Variants in SERPINE3 observed in about 807,000 individuals in gnomAD.
SERPINE3 encodes the protein serpin E3.
Under a neutral mutation model 41.7 loss-of-function variants are expected in SERPINE3, and 43 were observed. The ratio of observed to expected loss-of-function variants is 1.03; its 90% CI spans 0.81 to 1.33. The LOEUF is 1.33. Among genes scored for constraint, SERPINE3 ranks in the 40% most tolerant of loss-of-function variants. SERPINE3 has a pLI of 0.00. For missense variants in SERPINE3, 440 were observed against 491.7 expected (o/e 0.89, Z 0.99); for synonymous variants, 200 against 192.2 (o/e 1.04, Z -0.34).
At chr13:51,358,596 G>A (rs1016400998) in intron 7 of SERPINE3, among the ~76,000 whole-genome samples, 5 of 152,118 alleles carry the variant, frequency 3.3e-5, no homozygotes, top group Non-Finnish European at 7.4e-5. Flanking sequence ...GGTAAGGGGT[G>A]TCTATTATTA....
chr13:51,361,382 C>T lies in SERPINE3; in HGVS notation c.1087+18C>T. ...AGCCACAGGTATGTTCAGAGAATAC[C>T]CAGTCACACTGCTTACCCATATCTA... On this transcript the variant is annotated intron_variant, in intron 8 of 9. Transcript: ENST00000681248. 1.4e-6 allele frequency: 2 copies of T among 1,469,338 alleles called. No homozygotes were observed. Among genetic ancestry groups the T allele is most frequent in the Non-Finnish European group, 1.9e-6 (2 of 1,051,990 alleles). 91.0% of individuals were successfully genotyped at this position (1,469,338 alleles called of 1,614,324 possible).
intron 6 of SERPINE3, among the ~76,000 whole-genome samples, chr13:51,350,895 A>G (rs140816867): frequency 8.5e-5 from 13 of 152,340 alleles, no homozygotes; most frequent in Admixed American, 8.5e-4. Flanking sequence ...TACATATTGT[A>G]CAATTATACA....
intron 6 of SERPINE3, among the ~76,000 whole-genome samples, chr13:51,350,889 T>C (rs868465969): frequency 5.9e-5 from 9 of 152,330 alleles, no homozygotes; most frequent in African/African-American, 1.7e-4. Flanking sequence ...TACAATTACA[T>C]ATTGTACAAT....
At chr13:51,341,405 T>G in intron 3 of SERPINE3, 58 bp downstream of exon 3, 5 of 1,466,616 alleles carry the variant, frequency 3.4e-6, no homozygotes, top group Non-Finnish European at 4.6e-6. Flanking sequence ...TCACACTCTC[T>G]CCAGCTCACC....
intron 6 of SERPINE3, among the ~76,000 whole-genome samples, chr13:51,351,997 G>A (rs1194143597): frequency 6.6e-6 from 1 of 152,054 alleles, no homozygotes; most frequent in Non-Finnish European, 1.5e-5. Context: ...TATAGGCATA[G>A]ATATTTGTAT....
intron 9 of SERPINE3, chr13:51,364,028 A>AAT: frequency 3.0e-6 from 1 of 337,778 alleles, no homozygotes; most frequent in Non-Finnish European, 5.3e-6. Flanking sequence ...CCAGAATCTA[A>AAT]ATATATATAA....
chr13:51,355,284 G>A (rs1160129313), intron 7 of SERPINE3, 141 bp downstream of exon 7: 1 of 572,598 alleles, frequency 1.7e-6, no homozygotes, highest in Non-Finnish European at 3.1e-6. Flanking sequence ...AGAATGTGTT[G>A]CTTCTAATAA....
Position 51,355,088 on chromosome 13 carries a change from T to C in SERPINE3, c.945T>C (p.Ser315=). 12 of 1,552,524 alleles carry C rather than the reference T, an allele frequency of 7.7e-6. No homozygotes were observed. Among genetic ancestry groups the C allele is most frequent in the Non-Finnish European group, 1.0e-5 (12 of 1,145,530 alleles). Residue 315 remains serine, a synonymous_variant, in exon 7 of 10, where the codon TCT becomes TCC. Transcript: ENST00000681248. ...TCAACTTAAAAAGCATTTTAAATTC[T>C]TGGGGAGTCACCGATCTTTTTGATC... ...NQFNLKSILN[S]WGVTDLFDPL...
intron 7 of SERPINE3, among the ~76,000 whole-genome samples, chr13:51,356,003 C>T (rs1955476013): frequency 1.3e-5 from 2 of 152,152 alleles, no homozygotes; most frequent in Non-Finnish European, 2.9e-5. Context: ...GGCTCAGAAT[C>T]TTCCTTCTTA....
At chr13:51,350,216 G>C (rs1353180726) in intron 6 of SERPINE3, among the ~76,000 whole-genome samples, 2 of 152,114 alleles carry the variant, frequency 1.3e-5, no homozygotes, top group Non-Finnish European at 2.9e-5. Context: ...ACATCACCAA[G>C]CAGTGCACTA....
intron 5 of SERPINE3, among the ~76,000 whole-genome samples, chr13:51,348,005 A>T (rs1294049354): frequency 6.6e-6 from 1 of 151,580 alleles, no homozygotes; most frequent in African/African-American, 2.4e-5. Flanking sequence ...TGGTCCTGTG[A>T]GGGTATCTTA....
At position 51,348,244 on chromosome 13, in the gene SERPINE3, G is replaced by C; in HGVS notation, c.732G>C (p.Val244=). ...GQFQDTAGHQ[V]GVLELPYLGS... Reference sequence around the variant, plus strand: ...TCCAGGACACTGCAGGCCATCAGGTGGGGGTGCTGGAGCTTCCTTACCTGG... The same window carrying C: ...TCCAGGACACTGCAGGCCATCAGGTCGGGGTGCTGGAGCTTCCTTACCTGG... Residue 244 remains valine, a synonymous_variant, in exon 6 of 10, where the codon GTG becomes GTC. Coordinates refer to ENST00000681248, the MANE Select transcript of SERPINE3 (RefSeq NM_001386375.1). The C allele has an allele frequency of 6.2e-7, 1 of 1,601,610 alleles. No individual in the cohort carries two copies. The highest frequency in any genetic ancestry group is 8.5e-7 in the Non-Finnish European group (1 of 1,174,018).
intron 6 of SERPINE3, among the ~76,000 whole-genome samples, chr13:51,349,821 T>G (rs74906092): frequency 6.6e-6 from 1 of 152,224 alleles, no homozygotes; most frequent in Admixed American, 6.5e-5. Context: ...ATTCTGATAA[T>G]TTTTTTTAAA....
chr13:51,347,755 C>A (rs924056552), intron 5 of SERPINE3, among the ~76,000 whole-genome samples: 2 of 152,194 alleles, frequency 1.3e-5, no homozygotes, highest in African/African-American at 4.8e-5. Flanking sequence ...GAGATATGAA[C>A]CATCCCTTTG....
rs1955580527 is a variant in SERPINE3, at chr13:51,361,704, A to G, written c.1088-106A>G. On this transcript the variant is annotated intron_variant, in intron 8 of 9. Transcript: ENST00000681248. ...TCACAACAGTAAACAATCAAATGCC[A>G]TTAGGATGCTTTGATTTCTTAAAAA... 4.0e-6 allele frequency: 4 copies of G among 996,208 alleles called. No individual in the cohort carries two copies. In the South Asian group the frequency reaches 7.1e-5, roughly 18 times the overall value. 61.7% of individuals were successfully genotyped at this position (996,208 alleles called of 1,614,324 possible).
Position 51,364,469 on chromosome 13 carries a change from C to T in SERPINE3, c.*187C>T, listed in dbSNP as rs2137842376. On this transcript the variant is annotated 3_prime_UTR_variant, in exon 10 of 10. Coordinates refer to ENST00000681248, the MANE Select transcript of SERPINE3 (RefSeq NM_001386375.1). ...TAAGTTTATTTTGCCTACTCTTAAT[C>T]CAAATCTATTTTGACCTTCTTTTCT... 1 of 488,290 alleles carries T rather than the reference C, an allele frequency of 2.0e-6. No homozygotes were observed. Among genetic ancestry groups the T allele is most frequent in the Non-Finnish European group, 3.6e-6 (1 of 278,308 alleles). 30.2% of individuals were successfully genotyped at this position (488,290 alleles called of 1,614,324 possible). A position where few individuals can be genotyped will look rare whatever the true frequency, so the allele number is the denominator to read the frequency against.
At chr13:51,343,340 A>G (rs944532004) in intron 3 of SERPINE3, among the ~76,000 whole-genome samples, 15 of 152,220 alleles carry the variant, frequency 9.9e-5, no homozygotes, top group Admixed American at 9.2e-4. Context: ...TGTGTCAGGA[A>G]TGAGAAGCTT....
intron 4 of SERPINE3, among the ~76,000 whole-genome samples, chr13:51,345,551 C>T (rs1042800532): frequency 7.4e-5 from 10 of 134,310 alleles, no homozygotes; most frequent in Non-Finnish European, 1.2e-4. Context: ...GCTGAGACTG[C>T]GTCACTGCAC....
At chr13:51,361,253 C>T in intron 7 of SERPINE3, 25 bp from the exon 8 acceptor site, 14 of 1,507,394 alleles carry the variant, frequency 9.3e-6, no homozygotes, top group Non-Finnish European at 1.3e-5. Context: ...GAGCAACTCA[C>T]ATTTTTATCA....
Sources: allele counts gnomAD v4.1 joint callset (sites outside exome capture counted in the v4.1 genomes callset), GRCh38; gene constraint gnomAD v4.1.1; transcripts MANE v1.5; gene names NCBI Gene and HGNC (gene_info 2026-07-23, HGNC 2026-07-21).